The following FHAD1 variants were observed in gnomAD, a reference collection of about 807,000 sequenced individuals.
The protein encoded by FHAD1 is forkhead-associated domain-containing protein 1.
In FHAD1, 146 loss-of-function variants were observed where a neutral mutation model predicts 191.3. The ratio of observed to expected loss-of-function variants is 0.76; its 90% CI spans 0.67 to 0.88. The LOEUF is 0.88. FHAD1 is among the 40% of genes least tolerant of loss of function. FHAD1 has a pLI of 0.00. For synonymous variants in FHAD1, 616 were observed against 672.3 expected (o/e 0.92, Z 1.29); for missense variants, 1,635 against 1,785.8 (o/e 0.92, Z 1.52).
intron 3 of FHAD1, among the ~76,000 whole-genome samples, chr1:15,283,288 A>G (rs1661245488): frequency 1.3e-5 from 2 of 152,240 alleles, no homozygotes; most frequent in South Asian, 2.1e-4. Context: ...CTGGTCCTCA[A>G]TTTGGTCTGG....
At chr1:15,331,543 G>A (rs987912436) in intron 14 of FHAD1, among the ~76,000 whole-genome samples, 2 of 131,542 alleles carry the variant, frequency 1.5e-5, no homozygotes, top group Non-Finnish European at 3.2e-5. Flanking sequence ...AGGATGGATG[G>A]AAGTGTGGGT....
chr1:15,339,514 AT>A lies in FHAD1; in HGVS notation c.1942del (p.Tyr648IlefsTer5). ...TTGTATCTGATATATCTTCTGGAAC[AT>A]TATAAAAAACTTATGAGCCAGGCCC... ...FSLYLIYLLE[H>X]YKKLMSQAQE... On this transcript the variant is annotated frameshift_variant, in exon 15 of 34. Coordinates refer to ENST00000688493, the MANE Select transcript of FHAD1 (RefSeq NM_001391957.1). LOFTEE classifies it high-confidence loss of function. The A allele has an allele frequency of 2.3e-6, 3 of 1,287,360 alleles. No homozygotes were observed. The highest frequency in any genetic ancestry group is 1.5e-5 in the African/African-American group (1 of 65,092). 79.7% of individuals were successfully genotyped at this position (1,287,360 alleles called of 1,614,324 possible).
Position 15,345,508 on chromosome 1 carries a change from G to T in FHAD1, c.2331G>T (p.Leu777Phe). The T allele has an allele frequency of 6.4e-7, 1 of 1,551,990 alleles. No homozygotes were observed. The highest frequency in any genetic ancestry group is 1.2e-5 in the South Asian group (1 of 84,060). Residue 777 changes from leucine to phenylalanine, a missense_variant, in exon 18 of 34, where the codon TTG (leucine) becomes TTT (phenylalanine). Physicochemically the swap from Leu to Phe is conservative, Grantham distance 22. Coordinates refer to ENST00000688493, the MANE Select transcript of FHAD1 (RefSeq NM_001391957.1). Reference protein sequence around the residue: ...QTRVQELEERLARQKEVLESS... With the variant: ...QTRVQELEERFARQKEVLESS... ...GAGTCCAAGAGCTGGAGGAACGCTTGGCCCGCCAGAAGGAGGTACGCTCGG... is the reference window on the plus strand; with the variant it reads ...GAGTCCAAGAGCTGGAGGAACGCTTTGCCCGCCAGAAGGAGGTACGCTCGG...
chr1:15,242,828 C>G (rs1645544031), upstream of FHAD1, among the ~76,000 whole-genome samples: 1 of 152,124 alleles, frequency 6.6e-6, no homozygotes, highest in African/African-American at 2.4e-5. Flanking sequence ...AGAAAACAGG[C>G]AATAATCGTA....
Position 15,241,418 on chromosome 1 carries a change from G to A in FHAD1, c.-15+4657G>A, listed in dbSNP as rs184637523. ...GCCTATAATCCCAGCACTGTGGGAG[G>A]TGAGGCGGGTGGATCACCTGAGGTC... On this transcript the variant is annotated intron_variant, in intron 1 of 33. Transcript: ENST00000683790. Among the ~76,000 whole-genome samples, 448 of 152,240 alleles carry A rather than the reference G, an allele frequency of 2.9e-3. 3 individuals carry two copies. Among genetic ancestry groups the A allele is most frequent in the Non-Finnish European group, 3.8e-3 (256 of 68,022 alleles).
At chr1:15,259,269 A>G (rs1297405781) in intron 2 of FHAD1, among the ~76,000 whole-genome samples, 2 of 152,168 alleles carry the variant, frequency 1.3e-5, no homozygotes, top group African/African-American at 4.8e-5. Context: ...TATGTGTTCT[A>G]TGTATATGCC....
chr1:15,334,768 G>A (rs1683302619), intron 14 of FHAD1: 1 of 152,244 alleles, frequency 6.6e-6, no homozygotes, highest in Admixed American at 6.5e-5. Context: ...CGCATAGCCT[G>A]GTTTACTTGC....
At chr1:15,367,651 G>A (rs892089827) in intron 25 of FHAD1, 29 bp downstream of exon 25, 4 of 642,914 alleles carry the variant, frequency 6.2e-6, no homozygotes, top group Admixed American at 4.5e-5. Flanking sequence ...GGGTTGGGGG[G>A]ATGGTTTGCC....
chr1:15,380,931 A>G, intron 29 of FHAD1, 135 bp downstream of exon 29: 2 of 676,146 alleles, frequency 3.0e-6, no homozygotes, highest in East Asian at 2.7e-5. Context: ...GGACCTACCT[A>G]CTATCCCAGC....
intron 3 of FHAD1, among the ~76,000 whole-genome samples, chr1:15,286,295 GAGT>G (rs1306323333): frequency 6.6e-6 from 1 of 151,958 alleles, no homozygotes; most frequent in Non-Finnish European, 1.5e-5. Context: ...TTCAGCCCAG[GAGT>G]TTGTGACTAG....
rs547485896 is a variant in FHAD1, at chr1:15,258,679, G to A, written c.93+6802G>A. Among the ~76,000 whole-genome samples the A allele has an allele frequency of 5.9e-5, 9 of 151,670 alleles. No homozygotes were observed. In the East Asian group the frequency reaches 1.4e-3, roughly 23 times the overall value. The stretch of plus-strand genomic sequence containing the variant: ...GGCTCACTGCCAACCTCTGCCACCC[G>A]GGTTCAAGTGATTCTCCTGCCTCAG... On this transcript the variant is annotated intron_variant, in intron 2 of 33. Coordinates refer to ENST00000688493, the MANE Select transcript of FHAD1 (RefSeq NM_001391957.1).
chr1:15,260,625 G>T (rs1048924905), intron 2 of FHAD1, among the ~76,000 whole-genome samples: 1 of 152,206 alleles, frequency 6.6e-6, no homozygotes, highest in African/African-American at 2.4e-5. Context: ...ATCGGTTGGA[G>T]GCCAGCCTCA....
chr1:15,327,218 T>A lies in FHAD1; in HGVS notation c.1557+76T>A. ...CTTCGTGGATCTGGATTCCAGACCC[T>A]GGGAGCATATGTTTCTGTTTTTGTT... On this transcript the variant is annotated intron_variant, in intron 12 of 33. Transcript: ENST00000688493. The surrounding 1 kb of genome is among the most constrained non-coding windows in gnomAD (Gnocchi z 5.1). 2.2e-6 allele frequency: 2 copies of A among 921,730 alleles called. No homozygotes were observed. The highest frequency in any genetic ancestry group is 3.4e-6 in the Non-Finnish European group (2 of 596,072). 57.1% of individuals were successfully genotyped at this position (921,730 alleles called of 1,614,324 possible).
chr1:15,373,939 C>T (rs1275834925), intron 26 of FHAD1, among the ~76,000 whole-genome samples: 1 of 152,216 alleles, frequency 6.6e-6, no homozygotes, highest in African/African-American at 2.4e-5. Context: ...CCATCTGGGT[C>T]TAGTGGCCAC....
intron 21 of FHAD1, among the ~76,000 whole-genome samples, chr1:15,359,724 G>T (rs567873810): frequency 3.9e-5 from 6 of 152,200 alleles, no homozygotes; most frequent in Non-Finnish European, 7.4e-5. Flanking sequence ...GCCGAGGCGG[G>T]CGGATCATGA....
chr1:15,264,319 T>C (rs1652475693), intron 2 of FHAD1, among the ~76,000 whole-genome samples: 1 of 152,190 alleles, frequency 6.6e-6, no homozygotes, highest in African/African-American at 2.4e-5. Context: ...TTCGGCAACA[T>C]TGTGTAGTTT....
intron 1 of FHAD1, among the ~76,000 whole-genome samples, chr1:15,240,934 C>A (rs1389062372): frequency 1.4e-5 from 2 of 140,988 alleles, no homozygotes; most frequent in Non-Finnish European, 3.0e-5. Flanking sequence ...TCCAGCCAGG[C>A]TGACAGAGCG....
chr1:15,374,891 CT>C (rs1274805209), intron 27 of FHAD1, among the ~76,000 whole-genome samples: 5 of 145,298 alleles, frequency 3.4e-5, no homozygotes, highest in Non-Finnish European at 5.9e-5. Flanking sequence ...CAGAGTCTCG[CT>C]CTGTCACCCA....
At chr1:15,332,623 C>A (rs1682186839) in intron 14 of FHAD1, among the ~76,000 whole-genome samples, 2 of 152,130 alleles carry the variant, frequency 1.3e-5, no homozygotes, top group Admixed American at 6.5e-5. Flanking sequence ...TGAGGCTGAG[C>A]CAGGAGAATC....
Sources: gnomAD v4.1 joint callset for allele counts (sites outside exome capture counted in the v4.1 genomes callset) on GRCh38, gnomAD v4.1.1 for gene constraint, Gnocchi (gnomAD v3.1) non-coding constraint, MANE v1.5 for transcripts, NCBI Gene and HGNC (gene_info 2026-07-23, HGNC 2026-07-21) for gene names.